SYNPR: variants seen among roughly 807,000 people sequenced by gnomAD.
SYNPR encodes synaptoporin.
A neutral mutation model predicts 32.9 loss-of-function variants in SYNPR; 23 were observed. That is an observed-to-expected ratio of 0.70 (90% CI 0.50 to 0.99). The LOEUF (loss-of-function observed/expected upper bound fraction) is 0.99. Among genes scored for constraint, SYNPR ranks in the 50% least tolerant of loss-of-function variants. The probability of loss-of-function intolerance (pLI) is 0.00; values close to 1 mark genes in which losing one functional copy is unlikely to be tolerated. For synonymous variants in SYNPR, 146 were observed against 135.9 expected, an observed-to-expected ratio of 1.07 and a Z score of -0.52; for missense variants, 318 against 349.3, an observed-to-expected ratio of 0.91 and a Z score of 0.71.
the SYNPR span, among the ~76,000 whole-genome samples, chr3:63,219,617 A>T: frequency 2.0e-5 from 3 of 152,220 alleles, no homozygotes; most frequent in African/African-American, 7.2e-5. Context: ...AAACTTGATT[A>T]ATGCATTTTA....
intron 2 of SYNPR, among the ~76,000 whole-genome samples, chr3:63,447,783 A>G (rs1394046230): frequency 6.6e-6 from 1 of 151,780 alleles, no homozygotes; most frequent in Non-Finnish European, 1.5e-5. Flanking sequence ...CAAAAGTACT[A>G]TTGGAAAATT....
In SYNPR at chr3:63,278,458, C is replaced by G; in HGVS notation, c.-76C>G. 2 of 1,501,402 alleles carry G rather than the reference C, an allele frequency of 1.3e-6. No homozygotes were observed. Among genetic ancestry groups the G allele is most frequent in the South Asian group, 1.3e-5 (1 of 75,652 alleles). 93.0% of individuals were successfully genotyped at this position (1,501,402 alleles called of 1,614,324 possible). On this transcript the variant is annotated 5_prime_UTR_variant, in exon 1 of 6. Transcript: ENST00000478300. ...GGCTGCTCCCGAAGGGGCTTCTGGC[C>G]CTGAGGACGGTGGTGCCAAGCGAAC... is the stretch of plus-strand genomic sequence containing the variant.
chr3:63,592,485 A>G (rs1699855745), intron 4 of SYNPR, among the ~76,000 whole-genome samples: 1 of 152,130 alleles, frequency 6.6e-6, no homozygotes, highest in Admixed American at 6.6e-5. Flanking sequence ...AAGGCAGGTG[A>G]ATATGGGAAT....
chr3:63,601,748 T>C lies in SYNPR; in HGVS notation c.409-7377T>C, dbSNP rs143128889. On this transcript the variant is annotated intron_variant, in intron 4 of 5. Coordinates refer to ENST00000478300, the MANE Select transcript of SYNPR (RefSeq NM_001130003.2). Reference sequence around the variant, plus strand: ...CCACATTTTCTTTAGCTAGTGTAGGTTGATTCCATGTCTTTGCTATTGTGA... The same window carrying C: ...CCACATTTTCTTTAGCTAGTGTAGGCTGATTCCATGTCTTTGCTATTGTGA... Among the ~76,000 whole-genome samples, 7 of 152,218 alleles carry C rather than the reference T, an allele frequency of 4.6e-5. No homozygotes were observed. In the South Asian group the frequency reaches 6.2e-4, roughly 14 times the overall value.
At chr3:63,241,516 T>C (rs1560165900) in intron 1 of SYNPR, among the ~76,000 whole-genome samples, 1 of 152,100 alleles carries the variant, frequency 6.6e-6, no homozygotes, top group Non-Finnish European at 1.5e-5. Context: ...CAATGAGATT[T>C]GGGGGTAAGA....
chr3:63,518,016 C>G (rs1202187760), intron 3 of SYNPR, among the ~76,000 whole-genome samples: 1 of 152,172 alleles, frequency 6.6e-6, no homozygotes, highest in Non-Finnish European at 1.5e-5. Context: ...ATGAAAACAA[C>G]TCCCACTTAG....
At chr3:63,364,523 A>T (rs1414971875) in intron 2 of SYNPR, among the ~76,000 whole-genome samples, 1 of 152,222 alleles carries the variant, frequency 6.6e-6, no homozygotes, top group Non-Finnish European at 1.5e-5. Flanking sequence ...TTATATCTGG[A>T]TGCAAGTAAG....
chr3:63,400,447 G>A (rs138641190), intron 2 of SYNPR, among the ~76,000 whole-genome samples: 2 of 152,342 alleles, frequency 1.3e-5, no homozygotes, highest in Non-Finnish European at 2.9e-5. Context: ...CACACCAATG[G>A]CACGTCAGAG....
chr3:63,250,897 AT>A (rs149650661), intron 1 of SYNPR, among the ~76,000 whole-genome samples: 64 of 152,188 alleles, frequency 4.2e-4, no homozygotes, highest in Non-Finnish European at 7.8e-4. Flanking sequence ...CATTATAAGT[AT>A]TTTTTTGGCT....
chr3:63,280,088 C>A (rs987555975), intron 2 of SYNPR, among the ~76,000 whole-genome samples: 2 of 152,146 alleles, frequency 1.3e-5, no homozygotes. Flanking sequence ...ATAATAGCTC[C>A]ATTGTCAAGC....
chr3:63,501,516 A>G (rs1204441543), intron 3 of SYNPR, among the ~76,000 whole-genome samples: 1 of 95,640 alleles, frequency 1.0e-5, no homozygotes, highest in South Asian at 2.8e-4. Context: ...AAAAAAAAAG[A>G]AAAGAAAAAG....
intron 1 of SYNPR, among the ~76,000 whole-genome samples, chr3:63,243,819 C>G (rs9877436): frequency 0.53 from 80,822 of 151,712 alleles, 22,319 homozygotes; most frequent in Non-Finnish European, 0.59. Flanking sequence ...ACCAATTTTT[C>G]TTTTGTTTTT....
At chr3:63,451,887 G>T (rs1213551273) in intron 2 of SYNPR, among the ~76,000 whole-genome samples, 1 of 151,718 alleles carries the variant, frequency 6.6e-6, no homozygotes, top group East Asian at 1.9e-4. Flanking sequence ...AATTTTTTTT[G>T]AAGACCATTA....
At chr3:63,237,449 A>G (rs1347934448) in intron 1 of SYNPR, among the ~76,000 whole-genome samples, 1 of 152,042 alleles carries the variant, frequency 6.6e-6, no homozygotes, top group Non-Finnish European at 1.5e-5. Flanking sequence ...CATGTGCGTC[A>G]AGAGAATGTA....
chr3:63,353,483 G>T (rs751280836), intron 2 of SYNPR, among the ~76,000 whole-genome samples: 55 of 152,144 alleles, frequency 3.6e-4, no homozygotes, highest in Non-Finnish European at 6.8e-4. Context: ...GGGCTTTTGG[G>T]GCATTCATGA....
upstream of SYNPR, among the ~76,000 whole-genome samples, chr3:63,275,150 T>G (rs2086563670): frequency 6.6e-6 from 1 of 152,220 alleles, no homozygotes. Flanking sequence ...TTTCATCATC[T>G]TGGGGCAAAA....
intron 2 of SYNPR, among the ~76,000 whole-genome samples, chr3:63,306,499 A>G (rs1235600122): frequency 6.6e-6 from 1 of 151,802 alleles, no homozygotes; most frequent in Non-Finnish European, 1.5e-5. Context: ...TTTCACTGAT[A>G]CATACCCTGC....
intron 2 of SYNPR, among the ~76,000 whole-genome samples, chr3:63,298,104 T>C (rs961351756): frequency 6.6e-6 from 1 of 152,174 alleles, no homozygotes; most frequent in Non-Finnish European, 1.5e-5. Flanking sequence ...ATAATTCTAA[T>C]CTTGTGGCCT....
intron 2 of SYNPR, among the ~76,000 whole-genome samples, chr3:63,290,491 T>C (rs530994199): frequency 1.3e-5 from 2 of 152,342 alleles, no homozygotes; most frequent in East Asian, 3.9e-4. Context: ...AGGATGTTCA[T>C]ACCTTCTCAG....
Sources: gnomAD v4.1 joint callset for allele counts (sites outside exome capture counted in the v4.1 genomes callset) on GRCh38, gnomAD v4.1.1 for gene constraint, MANE v1.5 for transcripts, NCBI Gene and HGNC (gene_info 2026-07-23, HGNC 2026-07-21) for gene names.